SFT2D2: variants seen among roughly 807,000 people sequenced by gnomAD.
SFT2D2 encodes SFT2 domain containing 2.
SFT2D2 carries 21 observed loss-of-function variants against 27.4 expected under a neutral mutation model. The observed-to-expected ratio is 0.77, with a 90% CI of 0.54 to 1.10. The LOEUF is 1.10. Ranked by LOEUF, SFT2D2 falls within the 50% of genes least tolerant of loss-of-function variation. SFT2D2 has a pLI of 0.00. For synonymous variants in SFT2D2, 72 were observed against 71.7 expected (o/e 1.00, Z -0.02); for missense variants, 187 against 194.2 (o/e 0.96, Z 0.22).
intron 1 of SFT2D2, among the ~76,000 whole-genome samples, chr1:168,228,642 G>A (rs1478561964): frequency 6.6e-6 from 1 of 152,150 alleles, no homozygotes; most frequent in Non-Finnish European, 1.5e-5. Context: ...ATTTTAAAGT[G>A]TGGAAATGAA....
At position 168,246,434 on chromosome 1, in the gene SFT2D2, C is replaced by G. The variant is rs1309419672; in HGVS notation, c.*3894C>G. On this transcript the variant is annotated 3_prime_UTR_variant, in exon 8 of 8. Transcript: ENST00000271375. The stretch of plus-strand genomic sequence containing the variant: ...TTTTTTCAATGTCCTTCATTTGACA[C>G]CGTTTGGTTTAGCTCTCTTTGTATG... 2 of 1,069,920 alleles carry G rather than the reference C, an allele frequency of 1.9e-6. No individual in the cohort carries two copies. Among genetic ancestry groups the G allele is most frequent in the Non-Finnish European group, 2.6e-6 (2 of 773,488 alleles). The allele number at this position is 1,069,920 out of a possible 1,614,324, so 66.3% of individuals were successfully genotyped here. A position where few individuals can be genotyped will look rare whatever the true frequency, so the allele number is the denominator to read the frequency against.
chr1:168,247,174 T>C lies in SFT2D2; in HGVS notation c.*4634T>C. 1 of 274,996 alleles carries C rather than the reference T, an allele frequency of 3.6e-6. No homozygotes were observed. The highest frequency in any genetic ancestry group is 2.3e-5 in the African/African-American group (1 of 42,954). 17.0% of individuals were successfully genotyped at this position (274,996 alleles called of 1,614,324 possible). On this transcript the variant is annotated 3_prime_UTR_variant, in exon 8 of 8. Transcript: ENST00000271375. ...ATTATCTTTAAGTTCCACTGATCTT[T>C]TACATAAATAAACTGCATTTTTAAT...
intron 7 of SFT2D2, among the ~76,000 whole-genome samples, chr1:168,241,332 C>T (rs1647639068): frequency 6.6e-6 from 1 of 151,554 alleles, no homozygotes; most frequent in Admixed American, 6.6e-5. Flanking sequence ...CCTCAGCCTC[C>T]ATGTGCACGC....
intron 7 of SFT2D2, among the ~76,000 whole-genome samples, chr1:168,240,379 A>G (rs1176116361): frequency 6.6e-6 from 1 of 152,074 alleles, no homozygotes; most frequent in Non-Finnish European, 1.5e-5. Flanking sequence ...CTAGGAGGGT[A>G]ACAGTTATGA....
chr1:168,249,912 T>C lies in SFT2D2; in HGVS notation c.*7372T>C, dbSNP rs1159593712. Reference sequence around the variant, plus strand: ...GAGAGTGAATGTCTCCGATCATTAATTTATTTAACAAATACTTATCTAGTA... The same window carrying C: ...GAGAGTGAATGTCTCCGATCATTAACTTATTTAACAAATACTTATCTAGTA... On this transcript the variant is annotated 3_prime_UTR_variant, in exon 8 of 8. Coordinates refer to ENST00000271375, the MANE Select transcript of SFT2D2 (RefSeq NM_199344.3). 6.6e-6 allele frequency: 1 copy of C among 152,196 alleles called. No individual in the cohort carries two copies. The highest frequency in any genetic ancestry group is 2.4e-5 in the African/African-American group (1 of 41,440). 9.4% of individuals were successfully genotyped at this position (152,196 alleles called of 1,614,324 possible). A position where few individuals can be genotyped will look rare whatever the true frequency, so the allele number is the denominator to read the frequency against.
chr1:168,240,217 G>A (rs1572455188), intron 7 of SFT2D2, among the ~76,000 whole-genome samples: 1 of 151,146 alleles, frequency 6.6e-6, no homozygotes, highest in Admixed American at 6.6e-5. Flanking sequence ...GAAAAATTAT[G>A]CATGACTTGG....
chr1:168,230,604 G>A (rs1041217187), intron 1 of SFT2D2, among the ~76,000 whole-genome samples: 1 of 152,126 alleles, frequency 6.6e-6, no homozygotes, highest in African/African-American at 2.4e-5. Context: ...CTTCCAAGTA[G>A]CAGGGATTAC....
At chr1:168,226,498 C>T (rs1225824550) in intron 1 of SFT2D2, among the ~76,000 whole-genome samples, 1 of 152,098 alleles carries the variant, frequency 6.6e-6, no homozygotes, top group Non-Finnish European at 1.5e-5. Flanking sequence ...GCCCCGAGGT[C>T]CAGGCGGAAG....
intron 7 of SFT2D2, among the ~76,000 whole-genome samples, chr1:168,240,817 C>T (rs1175805163): frequency 6.6e-6 from 1 of 152,084 alleles, no homozygotes; most frequent in Non-Finnish European, 1.5e-5. Flanking sequence ...GAGGCTGAGG[C>T]AGTAGAATCG....
At chr1:168,234,918 A>G (rs1647445307) in intron 3 of SFT2D2, among the ~76,000 whole-genome samples, 183 bp from the exon 4 acceptor site, 1 of 152,140 alleles carries the variant, frequency 6.6e-6, no homozygotes, top group Admixed American at 6.5e-5. Context: ...AATTGTTCCT[A>G]CTTTATAGGT....
At chr1:168,242,215 T>A (rs1177785487) in intron 7 of SFT2D2, among the ~76,000 whole-genome samples, 1 of 152,194 alleles carries the variant, frequency 6.6e-6, no homozygotes. Flanking sequence ...TTTCTGACAG[T>A]CTATGTTATC....
At chr1:168,231,678 C>G (rs1647317540) in intron 2 of SFT2D2, 78 bp downstream of exon 2, 1 of 1,502,954 alleles carries the variant, frequency 6.7e-7, no homozygotes, top group African/African-American at 1.4e-5. Context: ...CACCTCCTTT[C>G]CCCTTTTGCC....
rs746637534 is a variant in SFT2D2, at chr1:168,235,083, C to T, written c.237-18C>T. 15 of 1,612,384 alleles carry T rather than the reference C, an allele frequency of 9.3e-6. No individual in the cohort carries two copies. Among genetic ancestry groups the T allele is most frequent in the East Asian group, 2.2e-5 (1 of 44,874 alleles). The stretch of plus-strand genomic sequence containing the variant: ...AGTTCTGTTCTGAACGGCTTGTGTG[C>T]GTGTGTTTGCCTTTTAGTACCATCT... On this transcript the variant is annotated intron_variant, in intron 3 of 7. Transcript: ENST00000271375.
rs1647782473 is a variant in SFT2D2, at chr1:168,245,442, AG to A, written c.*2903del. ...CACTGATAACTAAAAAGCATTGCTA[AG>A]AAAAATTAAGACCTAAGTAAATATC... On this transcript the variant is annotated 3_prime_UTR_variant, in exon 8 of 8. Coordinates refer to ENST00000271375, the MANE Select transcript of SFT2D2 (RefSeq NM_199344.3). 6.6e-6 allele frequency: 1 copy of A among 152,220 alleles called. No individual in the cohort carries two copies. Among genetic ancestry groups the A allele is most frequent in the African/African-American group, 2.4e-5 (1 of 41,462 alleles). The allele number at this position is 152,220 out of a possible 1,614,324, so 9.4% of individuals were successfully genotyped here. A position where few individuals can be genotyped will look rare whatever the true frequency, so the allele number is the denominator to read the frequency against.
At chr1:168,234,067 A>C (rs1012389759) in intron 3 of SFT2D2, among the ~76,000 whole-genome samples, 3 of 151,824 alleles carry the variant, frequency 2.0e-5, no homozygotes, top group Non-Finnish European at 4.4e-5. Context: ...ATTTGTGATT[A>C]CTCTTGCTAG....
rs773682456 is a variant in SFT2D2 at position 168,246,699 on chromosome 1, G to GTA, written c.*4161_*4162dup. ...GTAGAGCAACATTCAGTCTACGATGGTATGATTCCATTTCGTCAGTCTTTG... is the reference window on the plus strand; with the variant it reads ...GTAGAGCAACATTCAGTCTACGATGGTATATGATTCCATTTCGTCAGTCTTTG... On this transcript the variant is annotated 3_prime_UTR_variant, in exon 8 of 8. Transcript: ENST00000271375. 6.5e-6 allele frequency: 7 copies of GTA among 1,069,812 alleles called. No individual in the cohort carries two copies. In the South Asian group the frequency reaches 8.6e-5, roughly 13 times the overall value. The allele number at this position is 1,069,812 out of a possible 1,614,324, so 66.3% of individuals were successfully genotyped here.
At chr1:168,229,918 C>A (rs1469491041) in intron 1 of SFT2D2, among the ~76,000 whole-genome samples, 1 of 152,174 alleles carries the variant, frequency 6.6e-6, no homozygotes, top group Non-Finnish European at 1.5e-5. Flanking sequence ...GAGAGGTTTA[C>A]CTCAGCGTAA....
At chr1:168,240,911 CA>C (rs1052365460) in intron 7 of SFT2D2, among the ~76,000 whole-genome samples, 1 of 150,270 alleles carries the variant, frequency 6.7e-6, no homozygotes, top group African/African-American at 2.5e-5. Context: ...GACTCTGTCT[CA>C]AAAAAAAAGA....
In SFT2D2 at chr1:168,252,133, A is replaced by G. The variant is rs934351915; in HGVS notation, c.*9593A>G. The G allele has an allele frequency of 6.6e-6, 1 of 152,206 alleles. No individual in the cohort carries two copies. Among genetic ancestry groups the G allele is most frequent in the African/African-American group, 2.4e-5 (1 of 41,464 alleles). The allele number at this position is 152,206 out of a possible 1,614,324, so 9.4% of individuals were successfully genotyped here. A position where few individuals can be genotyped will look rare whatever the true frequency, so the allele number is the denominator to read the frequency against. ...GCAGAGCCTTTGTTAATGTAAATTGACAAAAAGTATGTCCTTTTCTAGCAG... is the reference window on the plus strand; with the variant it reads ...GCAGAGCCTTTGTTAATGTAAATTGGCAAAAAGTATGTCCTTTTCTAGCAG... On this transcript the variant is annotated 3_prime_UTR_variant, in exon 8 of 8. Transcript: ENST00000271375.
Sources: gnomAD v4.1 joint callset for allele counts (sites outside exome capture counted in the v4.1 genomes callset) on GRCh38, gnomAD v4.1.1 for gene constraint, MANE v1.5 for transcripts, NCBI Gene and HGNC (gene_info 2026-07-23, HGNC 2026-07-21) for gene names.